EEFSEC: variants seen among roughly 807,000 people sequenced by gnomAD.
EEFSEC encodes selenocysteine-specific elongation factor.
Under a neutral mutation model 42.1 loss-of-function variants are expected in EEFSEC, and 43 were observed. That is an observed-to-expected ratio of 1.02 (90% CI 0.80 to 1.32). The LOEUF is 1.32. Ranked by LOEUF, EEFSEC falls within the 40% of genes most tolerant of loss-of-function variation. EEFSEC has a pLI of 0.00. For missense variants in EEFSEC, 745 were observed against 803.6 expected (o/e 0.93, Z 0.88); for synonymous variants, 354 against 339.1 (o/e 1.04, Z -0.48).
chr3:128,190,558 A>G (rs1316520241), intron 1 of EEFSEC, among the ~76,000 whole-genome samples: 1 of 152,238 alleles, frequency 6.6e-6, no homozygotes, highest in Non-Finnish European at 1.5e-5. Context: ...TAAAGTTTAT[A>G]AAGTAAAAAA....
chr3:128,224,984 T>G (rs928007428), intron 1 of EEFSEC, among the ~76,000 whole-genome samples: 2 of 152,212 alleles, frequency 1.3e-5, no homozygotes, highest in African/African-American at 2.4e-5. Context: ...TTATATTTTA[T>G]GTACTACACC....
intron 4 of EEFSEC, among the ~76,000 whole-genome samples, chr3:128,333,899 C>T (rs2067161232): frequency 6.6e-6 from 1 of 152,196 alleles, no homozygotes; most frequent in South Asian, 2.1e-4. Context: ...GAAGGAGTAT[C>T]GAGCTCATCG....
chr3:128,358,339 C>T lies in EEFSEC; in HGVS notation c.1566C>T (p.Phe522=), dbSNP rs776866885. Residue 522 remains phenylalanine (F), a synonymous_variant, in exon 6 of 7, where the codon TTC becomes TTT. Coordinates refer to ENST00000254730, the MANE Select transcript of EEFSEC (RefSeq NM_021937.5). ...AACTGGGCATCATCGACAGTGCCTTCGGCCAGAGCGGCAAGTTCAAGATCC... is the reference window on the plus strand; with the variant it reads ...AACTGGGCATCATCGACAGTGCCTTTGGCCAGAGCGGCAAGTTCAAGATCC... ...TGELGIIDSA[F]GQSGKFKIHI... The T allele has an allele frequency of 1.9e-5, 31 of 1,614,138 alleles. No individual in the cohort carries two copies. The highest frequency in any genetic ancestry group is 4.0e-5 in the African/African-American group (3 of 74,956).
At chr3:128,191,917 A>G (rs558608783) in intron 1 of EEFSEC, among the ~76,000 whole-genome samples, 2 of 152,156 alleles carry the variant, frequency 1.3e-5, no homozygotes, top group South Asian at 4.2e-4. Flanking sequence ...CTTCTTGAAT[A>G]TTGGTGTCTA....
intron 4 of EEFSEC, among the ~76,000 whole-genome samples, chr3:128,279,994 G>A (rs976491613): frequency 8.5e-5 from 13 of 152,244 alleles, no homozygotes; most frequent in African/African-American, 3.1e-4. Flanking sequence ...GCAGATCTAT[G>A]TGGAAAGACC....
At chr3:128,267,696 A>G (rs931764491) in intron 4 of EEFSEC, among the ~76,000 whole-genome samples, 1 of 152,232 alleles carries the variant, frequency 6.6e-6, no homozygotes, top group Non-Finnish European at 1.5e-5. Flanking sequence ...CTGAGAAAGC[A>G]TACCTTGGAG....
At chr3:128,380,920 C>T (rs999496365) in intron 6 of EEFSEC, among the ~76,000 whole-genome samples, 3 of 152,220 alleles carry the variant, frequency 2.0e-5, no homozygotes, top group African/African-American at 4.8e-5. Context: ...TCTGACTCAC[C>T]GTTCCCGCCA....
chr3:128,329,313 C>A (rs1337575295), intron 4 of EEFSEC, among the ~76,000 whole-genome samples: 1 of 152,164 alleles, frequency 6.6e-6, no homozygotes, highest in Admixed American at 6.5e-5. Flanking sequence ...TGCCCCTGCA[C>A]AGCTGCACTG....
intron 5 of EEFSEC, among the ~76,000 whole-genome samples, chr3:128,344,680 T>C (rs2067292093): frequency 6.6e-6 from 1 of 152,242 alleles, no homozygotes; most frequent in Admixed American, 6.5e-5. Flanking sequence ...ATCTCCTTGG[T>C]GGGAGACTTT....
chr3:128,296,234 C>T (rs1007702251), intron 4 of EEFSEC, among the ~76,000 whole-genome samples: 3 of 152,170 alleles, frequency 2.0e-5, no homozygotes, highest in African/African-American at 4.8e-5. Flanking sequence ...ACGTAATCCA[C>T]GTAGGATCTT....
rs1022290799 is a variant in EEFSEC at position 128,175,185 on chromosome 3, AC to A, written c.316+21369del. Among the ~76,000 whole-genome samples, 64 of 145,018 alleles carry A rather than the reference AC, an allele frequency of 4.4e-4. 1 individual carries two copies. The highest frequency in any genetic ancestry group is 8.6e-4 in the Non-Finnish European group (57 of 66,422). ...CCTCTTCTTACTAGTACTGCTGCAA[AC>A]CCCCCCTTTTCTCCAAGTCAACCCC... On this transcript the variant is annotated intron_variant, in intron 1 of 6. Coordinates refer to ENST00000254730, the MANE Select transcript of EEFSEC (RefSeq NM_021937.5).
At chr3:128,236,650 G>C (rs2066014033) in intron 1 of EEFSEC, among the ~76,000 whole-genome samples, 1 of 152,186 alleles carries the variant, frequency 6.6e-6, no homozygotes, top group Non-Finnish European at 1.5e-5. Flanking sequence ...TTATGCCCCT[G>C]CTTATTTCTC....
chr3:128,172,400 G>T (rs2065307889), intron 1 of EEFSEC, among the ~76,000 whole-genome samples: 1 of 152,244 alleles, frequency 6.6e-6, no homozygotes, highest in South Asian at 2.1e-4. Context: ...ATCTCACAGG[G>T]TGGTTGCATC....
the EEFSEC span, among the ~76,000 whole-genome samples, chr3:128,420,372 G>A: frequency 6.6e-6 from 1 of 152,266 alleles, no homozygotes; most frequent in South Asian, 2.1e-4. Context: ...AACGGTCCCT[G>A]CTGGGAGGAA....
At chr3:128,257,248 G>A (rs1336127292) in intron 2 of EEFSEC, among the ~76,000 whole-genome samples, 1 of 152,122 alleles carries the variant, frequency 6.6e-6, no homozygotes. Context: ...TCAGTGTTGT[G>A]GAGGTGCTCT....
intron 1 of EEFSEC, among the ~76,000 whole-genome samples, chr3:128,243,366 G>A (rs1485855833): frequency 1.3e-5 from 2 of 152,192 alleles, no homozygotes; most frequent in Non-Finnish European, 2.9e-5. Flanking sequence ...CTCAATAGGC[G>A]TGAGAAGCAA....
At chr3:128,394,468 G>T (rs1182218310) in intron 6 of EEFSEC, among the ~76,000 whole-genome samples, 1 of 148,856 alleles carries the variant, frequency 6.7e-6, no homozygotes, top group African/African-American at 2.5e-5. Flanking sequence ...TCATAAAAAT[G>T]ACATTTTTAA....
intron 6 of EEFSEC, among the ~76,000 whole-genome samples, chr3:128,381,696 A>G (rs1032495479): frequency 6.6e-5 from 10 of 152,200 alleles, no homozygotes; most frequent in Non-Finnish European, 1.2e-4. Flanking sequence ...GCTTCTGTGC[A>G]GCTGCGTGCC....
At chr3:128,182,911 T>C (rs1475780652) in intron 1 of EEFSEC, among the ~76,000 whole-genome samples, 1 of 92,918 alleles carries the variant, frequency 1.1e-5, no homozygotes, top group Non-Finnish European at 2.1e-5. Flanking sequence ...GGTCTAGTAG[T>C]GGGGGTGGGC....
Sources: allele counts gnomAD v4.1 joint callset (sites outside exome capture counted in the v4.1 genomes callset), GRCh38; gene constraint gnomAD v4.1.1; transcripts MANE v1.5; gene names NCBI Gene and HGNC (gene_info 2026-07-23, HGNC 2026-07-21).